IQCM: variants seen among roughly 807,000 people sequenced by gnomAD.
IQCM encodes the protein IQ domain-containing protein M.
IQCM carries 45 observed loss-of-function variants against 57.6 expected under a neutral mutation model. The observed-to-expected ratio is 0.78, with a 90% CI of 0.62 to 1.00. The LOEUF (loss-of-function observed/expected upper bound fraction) is 1.00, where lower values mean the gene tolerates loss of function less well. Ranked by LOEUF, IQCM falls within the 50% of genes least tolerant of loss-of-function variation. IQCM has a pLI of 0.00. For missense variants in IQCM, 468 were observed against 511.6 expected, an observed-to-expected ratio of 0.91 and a Z score of 0.82; for synonymous variants, 148 against 158.9, an observed-to-expected ratio of 0.93 and a Z score of 0.51.
chr4:149,533,606 T>C (rs959755562), intron 12 of IQCM, among the ~76,000 whole-genome samples: 2 of 152,068 alleles, frequency 1.3e-5, no homozygotes, highest in African/African-American at 2.4e-5. Context: ...CTCACAGTCA[T>C]GGCAGAAGGC....
intron 8 of IQCM, among the ~76,000 whole-genome samples, chr4:149,588,570 G>T (rs984218312): frequency 6.6e-6 from 1 of 151,774 alleles, no homozygotes. Flanking sequence ...GGCTGAATGA[G>T]GTCAAAAGGG....
At chr4:149,562,521 A>T (rs1008463354) in intron 10 of IQCM, among the ~76,000 whole-genome samples, 3 of 152,158 alleles carry the variant, frequency 2.0e-5, no homozygotes, top group African/African-American at 7.2e-5. Flanking sequence ...ATTTTGGAGA[A>T]ATTTAAGTCT....
At chr4:149,673,361 C>T (rs1346866552) in intron 7 of IQCM, among the ~76,000 whole-genome samples, 2 of 152,128 alleles carry the variant, frequency 1.3e-5, no homozygotes, top group East Asian at 3.9e-4. Flanking sequence ...CATCAGTGTG[C>T]TGTATTCAGG....
At chr4:149,525,138 A>G (rs1413390242) in intron 12 of IQCM, among the ~76,000 whole-genome samples, 1 of 151,846 alleles carries the variant, frequency 6.6e-6, no homozygotes, top group African/African-American at 2.4e-5. Context: ...GATCACAGAA[A>G]AATCTTTATT....
intron 13 of IQCM, among the ~76,000 whole-genome samples, chr4:149,354,846 T>C (rs951204928): frequency 3.9e-5 from 6 of 152,138 alleles, no homozygotes; most frequent in Non-Finnish European, 7.4e-5. Flanking sequence ...ATATTAACTC[T>C]TCAGTTGTAA....
chr4:149,464,804 A>T (rs139689329), intron 12 of IQCM, among the ~76,000 whole-genome samples: 1 of 152,282 alleles, frequency 6.6e-6, no homozygotes, highest in East Asian at 1.9e-4. Context: ...AGGTACGTAA[A>T]ATATGGCTAA....
chr4:149,538,923 A>G (rs187509742), intron 12 of IQCM, among the ~76,000 whole-genome samples: 1 of 152,058 alleles, frequency 6.6e-6, no homozygotes, highest in Non-Finnish European at 1.5e-5. Flanking sequence ...TATATATCTG[A>G]TAAAGAATTT....
At chr4:149,804,102 A>T (rs1773863456) in intron 2 of IQCM, among the ~76,000 whole-genome samples, 1 of 151,932 alleles carries the variant, frequency 6.6e-6, no homozygotes, top group South Asian at 2.1e-4. Context: ...CAAGTTGGTT[A>T]GGCTTTTGTA....
At chr4:149,749,585 G>A (rs534733124) in intron 2 of IQCM, among the ~76,000 whole-genome samples, 4 of 152,226 alleles carry the variant, frequency 2.6e-5, no homozygotes, top group South Asian at 4.2e-4. Flanking sequence ...ATACCTTCCA[G>A]GGGGTAGGCA....
At chr4:149,707,334 A>C (rs1252886293) in intron 5 of IQCM, among the ~76,000 whole-genome samples, 1 of 152,040 alleles carries the variant, frequency 6.6e-6, no homozygotes, top group Non-Finnish European at 1.5e-5. Flanking sequence ...TGAAACTGCA[A>C]ATATATGTGT....
At chr4:149,646,846 T>C (rs1758678509) in intron 7 of IQCM, among the ~76,000 whole-genome samples, 2 of 152,034 alleles carry the variant, frequency 1.3e-5, no homozygotes, top group Non-Finnish European at 1.5e-5. Flanking sequence ...TAGCTGGGTG[T>C]GGTGGCAGGC....
rs530839375 is a variant in IQCM, at chr4:149,696,214, G to A, written c.386-9746C>T. ...TCATCAAAGATACAATGACTTCCATGGTAGCACACCCAATGAACAAGTATT... is the reference window on the plus strand; with the variant it reads ...TCATCAAAGATACAATGACTTCCATAGTAGCACACCCAATGAACAAGTATT... On this transcript the variant is annotated intron_variant, in intron 5 of 13. Coordinates refer to ENST00000636793, the MANE Select transcript of IQCM (RefSeq NM_001363507.2). Among the ~76,000 whole-genome samples the A allele has an allele frequency of 1.5e-3, 229 of 152,152 alleles. 1 individual carries two copies. Among genetic ancestry groups the A allele is most frequent in the African/African-American group, 5.3e-3 (220 of 41,532 alleles).
At chr4:149,491,392 T>C (rs1015396169) in intron 12 of IQCM, among the ~76,000 whole-genome samples, 1 of 152,110 alleles carries the variant, frequency 6.6e-6, no homozygotes, top group Non-Finnish European at 1.5e-5. Context: ...TTATTCCTAA[T>C]TGAAATTTTG....
chr4:149,475,522 A>T (rs1740088110), intron 12 of IQCM, among the ~76,000 whole-genome samples: 1 of 152,158 alleles, frequency 6.6e-6, no homozygotes, highest in African/African-American at 2.4e-5. Flanking sequence ...CAGCATATAC[A>T]GCATATAAAT....
intron 13 of IQCM, among the ~76,000 whole-genome samples, chr4:149,364,874 A>T (rs1356241720): frequency 6.6e-6 from 1 of 152,078 alleles, no homozygotes; most frequent in Non-Finnish European, 1.5e-5. Flanking sequence ...AATCAAGGGC[A>T]AGGGGTGGAA....
intron 12 of IQCM, among the ~76,000 whole-genome samples, chr4:149,481,701 G>GTTTTTTTTTTTTGTTTTTTTTT (rs751057249): frequency 1.7e-4 from 9 of 51,576 alleles, no homozygotes; most frequent in Non-Finnish European, 2.9e-4. Flanking sequence ...TTCCAGTTTT[G>GTTTTTTTTTTTTGTTTTTTTTT]TTTTTTTTTT....
At chr4:149,479,436 T>G (rs1254278677) in intron 12 of IQCM, among the ~76,000 whole-genome samples, 1 of 152,224 alleles carries the variant, frequency 6.6e-6, no homozygotes, top group East Asian at 1.9e-4. Flanking sequence ...CTATTTACTA[T>G]GTCAGTAACT....
chr4:149,402,437 A>G (rs191606105), intron 13 of IQCM, among the ~76,000 whole-genome samples: 3 of 151,906 alleles, frequency 2.0e-5, no homozygotes, highest in Admixed American at 2.0e-4. Flanking sequence ...TTTGGTGGAT[A>G]TCTGTTGGTT....
chr4:149,716,665 T>C (rs1765030842), intron 5 of IQCM, among the ~76,000 whole-genome samples: 1 of 152,174 alleles, frequency 6.6e-6, no homozygotes, highest in African/African-American at 2.4e-5. Flanking sequence ...GCTGCTGCCA[T>C]TGCTATTGTA....
Sources: gnomAD v4.1 joint callset for allele counts (sites outside exome capture counted in the v4.1 genomes callset) on GRCh38, gnomAD v4.1.1 for gene constraint, MANE v1.5 for transcripts, NCBI Gene and HGNC (gene_info 2026-07-23, HGNC 2026-07-21) for gene names.